The following INHBC variants were observed in gnomAD, a reference collection of about 807,000 sequenced individuals.
The protein encoded by INHBC is inhibin beta C chain.
A neutral mutation model predicts 12.4 loss-of-function variants in INHBC; 10 were observed. That is an observed-to-expected ratio of 0.81 (90% CI 0.50 to 1.37). The LOEUF (loss-of-function observed/expected upper bound fraction) is 1.37. INHBC is among the 40% of genes most tolerant of loss of function. The pLI, the probability that INHBC is intolerant of heterozygous loss-of-function variation, is 0.00. For missense variants in INHBC, 382 were observed against 439.4 expected (o/e 0.87, Z 1.17); for synonymous variants, 147 against 171.6 (o/e 0.86, Z 1.12).
intron 1 of INHBC, among the ~76,000 whole-genome samples, chr12:57,445,451 T>C (rs1201649842): frequency 6.6e-6 from 1 of 152,174 alleles, no homozygotes; most frequent in East Asian, 1.9e-4. Context: ...ATATTATGAA[T>C]TAGAAGTAGA....
intron 1 of INHBC, among the ~76,000 whole-genome samples, chr12:57,442,271 A>G (rs2139832329): frequency 6.6e-6 from 1 of 152,322 alleles, no homozygotes; most frequent in Non-Finnish European, 1.5e-5. Context: ...ATCAAGTCAC[A>G]TGGCTAAGCC....
chr12:57,450,312 A>C lies in INHBC; in HGVS notation c.*290A>C, dbSNP rs145429935. 3 of 274,098 alleles carry C rather than the reference A, an allele frequency of 1.1e-5. No homozygotes were observed. In the South Asian group the frequency reaches 4.4e-4, roughly 40 times the overall value. 17.0% of individuals were successfully genotyped at this position (274,098 alleles called of 1,614,324 possible). ...TCAGACCCATCTCCAACCATGAGCA[A>C]TGCCATCTGGTTCCCAGGCAAAGAC... On this transcript the variant is annotated 3_prime_UTR_variant, in exon 2 of 2. Coordinates refer to ENST00000309668, the MANE Select transcript of INHBC (RefSeq NM_005538.4).
intron 1 of INHBC, among the ~76,000 whole-genome samples, chr12:57,447,674 G>A (rs1870609347): frequency 6.7e-6 from 1 of 148,844 alleles, no homozygotes; most frequent in African/African-American, 2.5e-5. Context: ...CACTTGAGGT[G>A]AGGAGTTCAA....
chr12:57,443,098 C>G (rs1441196149), intron 1 of INHBC, among the ~76,000 whole-genome samples: 38 of 149,478 alleles, frequency 2.5e-4, no homozygotes, highest in Non-Finnish European at 1.5e-5. Context: ...AGTTCCATTC[C>G]CATAATAAAG....
At chr12:57,435,251 GA>G in intron 1 of INHBC, 52 bp downstream of exon 1, 1 of 1,516,382 alleles carries the variant, frequency 6.6e-7, no homozygotes, top group Non-Finnish European at 8.9e-7. Context: ...TCAAGGAAAG[GA>G]AAAGTTTCCT....
In INHBC at chr12:57,435,178, A is replaced by G; in HGVS notation, c.292A>G (p.Ile98Val). ...GGACAACAGGGAACAGGAATGTGAA[A>G]TCATCAGCTTTGCTGAGACAGGTGG... Reference protein sequence around the residue: ...LEDNREQECEIISFAETGLST... With the variant: ...LEDNREQECEVISFAETGLST... Residue 98 changes from isoleucine to valine, a missense_variant, in exon 1 of 2, where the codon ATC (isoleucine) becomes GTC (valine). Transcript: ENST00000309668. The G allele has an allele frequency of 6.2e-7, 1 of 1,612,462 alleles. No homozygotes were observed. Among genetic ancestry groups the G allele is most frequent in the African/African-American group, 1.3e-5 (1 of 74,980 alleles).
intron 1 of INHBC, among the ~76,000 whole-genome samples, chr12:57,442,726 A>C (rs2139832568): frequency 6.6e-6 from 1 of 152,294 alleles, no homozygotes; most frequent in East Asian, 1.9e-4. Flanking sequence ...ACGTTGGCTC[A>C]CACCTGTAAT....
chr12:57,449,164 A>T (rs1343631831), intron 1 of INHBC, 113 bp from the exon 2 acceptor site: 1 of 1,334,614 alleles, frequency 7.5e-7, no homozygotes. Context: ...ACATGTTTAA[A>T]CTGTAGCAAA....
rs143163524 is a variant in INHBC, at chr12:57,444,943, T to A, written c.314-4334T>A. The stretch of plus-strand genomic sequence containing the variant: ...GCAATCCTGCCACCTTGACCTCCCA[T>A]AGTGCTGCGATTACAGGCATGTGCC... On this transcript the variant is annotated intron_variant, in intron 1 of 1. Coordinates refer to ENST00000309668, the MANE Select transcript of INHBC (RefSeq NM_005538.4). Among the ~76,000 whole-genome samples, 174 of 152,258 alleles carry A rather than the reference T, an allele frequency of 1.1e-3. 1 individual carries two copies. Among genetic ancestry groups the A allele is most frequent in the African/African-American group, 4.0e-3 (167 of 41,564 alleles).
chr12:57,441,309 G>T (rs143971873), intron 1 of INHBC, among the ~76,000 whole-genome samples: 7 of 131,392 alleles, frequency 5.3e-5, no homozygotes, highest in Admixed American at 1.7e-4. Context: ...AGCCGAGTTC[G>T]TGCCATTGCA....
rs2229357 is a variant in INHBC, at chr12:57,449,928, G to A, written c.965G>A (p.Arg322Gln). Residue 322 changes from arginine to glutamine, a missense_variant, in exon 2 of 2, where the codon CGG (arginine) becomes CAG (glutamine). By Grantham distance (43) the Arg-to-Gln change is conservative. Coordinates refer to ENST00000309668, the MANE Select transcript of INHBC (RefSeq NM_005538.4). Reference protein sequence around the residue: ...GGGSCCVPTARRPLSLLYYDR... With the variant: ...GGGSCCVPTAQRPLSLLYYDR... ...GGCTCATGCTGTGTACCCACGGCCC[G>A]GCGCCCCCTGTCTCTGCTCTATTAT... is the stretch of plus-strand genomic sequence containing the variant. 0.22 allele frequency: 347,563 copies of A among 1,589,440 alleles called. 42,225 individuals are homozygous for A. The highest frequency in any genetic ancestry group is 0.37 in the Admixed American group (21,294 of 56,928).
In INHBC at chr12:57,451,953, A is replaced by G; in HGVS notation, c.*1931A>G. The G allele has an allele frequency of 4.8e-6, 2 of 415,622 alleles. No individual in the cohort carries two copies. Among genetic ancestry groups the G allele is most frequent in the South Asian group, 1.7e-5 (1 of 58,624 alleles). 25.7% of individuals were successfully genotyped at this position (415,622 alleles called of 1,614,324 possible). A position where few individuals can be genotyped will look rare whatever the true frequency, so the allele number is the denominator to read the frequency against. ...ATTTTAAGGGGGTGGTGAACAATTTATTAATCAAGATAGGACTTTAATGCA... is the reference window on the plus strand; with the variant it reads ...ATTTTAAGGGGGTGGTGAACAATTTGTTAATCAAGATAGGACTTTAATGCA... On this transcript the variant is annotated 3_prime_UTR_variant, in exon 2 of 2. Coordinates refer to ENST00000309668, the MANE Select transcript of INHBC (RefSeq NM_005538.4).
intron 1 of INHBC, among the ~76,000 whole-genome samples, chr12:57,438,986 ATCT>A (rs1374862145): frequency 1.3e-5 from 2 of 152,300 alleles, no homozygotes; most frequent in East Asian, 1.9e-4. Context: ...GATTGTGAAC[ATCT>A]TCTCCCAACT....
At chr12:57,437,522 T>G (rs1186736177) in intron 1 of INHBC, among the ~76,000 whole-genome samples, 5 of 151,168 alleles carry the variant, frequency 3.3e-5, no homozygotes, top group African/African-American at 1.2e-4. Context: ...ACAAAAAAAA[T>G]TAGCTGGGCA....
intron 1 of INHBC, among the ~76,000 whole-genome samples, chr12:57,447,892 A>AAAATATATAT (rs1555325179): frequency 8.1e-4 from 16 of 19,856 alleles, no homozygotes; most frequent in Non-Finnish European, 1.4e-3. Flanking sequence ...AAAAAAAAAA[A>AAAATATATAT]ATATATATAT....
Position 57,435,535 on chromosome 12 carries a change from G to A in INHBC, c.313+336G>A, listed in dbSNP as rs541923994. 1.1e-4 allele frequency among the ~76,000 whole-genome samples: 17 copies of A among 152,284 alleles called. No individual in the cohort carries two copies. In the East Asian group the frequency reaches 2.7e-3, roughly 24 times the overall value. On this transcript the variant is annotated intron_variant, in intron 1 of 1. Coordinates refer to ENST00000309668, the MANE Select transcript of INHBC (RefSeq NM_005538.4). ...TCCACTTCCTGGGCCTGTACACAGC[G>A]ACTGGGAGGTGGGAGTCTCTCCTTT...
At chr12:57,435,626 GA>G (rs1196891392) in intron 1 of INHBC, among the ~76,000 whole-genome samples, 1 of 151,906 alleles carries the variant, frequency 6.6e-6, no homozygotes, top group African/African-American at 2.4e-5. Flanking sequence ...AGTAAAAGAA[GA>G]AAAAATAAAA....
chr12:57,435,912 T>G (rs1376491040), intron 1 of INHBC, among the ~76,000 whole-genome samples: 2 of 151,632 alleles, frequency 1.3e-5, no homozygotes, highest in Admixed American at 1.3e-4. Flanking sequence ...AGTGGCGTGA[T>G]CTCGGCTCAC....
At chr12:57,446,491 T>C (rs1232279025) in intron 1 of INHBC, among the ~76,000 whole-genome samples, 2 of 150,282 alleles carry the variant, frequency 1.3e-5, no homozygotes, top group Non-Finnish European at 3.0e-5. Flanking sequence ...TTTATTTATT[T>C]ATTTATTTAT....
Sources: allele counts gnomAD v4.1 joint callset (sites outside exome capture counted in the v4.1 genomes callset), GRCh38; gene constraint gnomAD v4.1.1; transcripts MANE v1.5; gene names NCBI Gene and HGNC (gene_info 2026-07-23, HGNC 2026-07-21).